The following AK2 variants were observed in gnomAD, a reference collection of about 807,000 sequenced individuals.
AK2 encodes adenylate kinase 2, also known as adenylate kinase 2, mitochondrial.
AK2 carries 15 observed loss-of-function variants against 24.6 expected under a neutral mutation model. That is an observed-to-expected ratio of 0.61 (90% confidence interval 0.41 to 0.94). The LOEUF (loss-of-function observed/expected upper bound fraction) is 0.94, where lower values mean the gene tolerates loss of function less well. AK2 is among the 40% of genes least tolerant of loss of function. The pLI, the probability that AK2 is intolerant of heterozygous loss-of-function variation, is 0.00. For synonymous variants in AK2, 102 were observed against 114.0 expected (o/e 0.90, Z 0.67); for missense variants, 257 against 304.1 (o/e 0.85, Z 1.15).
Position 33,008,445 on chromosome 1 carries a change from C to G in AK2, c.*4736G>C. ...ACACAGGAGATCCTAAGACACATACCCTAGGCCCTCAGAGCCGGCAGTGAC... is the reference window on the plus strand; with the variant it reads ...ACACAGGAGATCCTAAGACACATACGCTAGGCCCTCAGAGCCGGCAGTGAC... On this transcript the variant is annotated 3_prime_UTR_variant, in exon 6 of 6. Coordinates refer to ENST00000672715, the MANE Select transcript of AK2 (RefSeq NM_001625.4). 1 of 454,070 alleles carries G rather than the reference C, an allele frequency of 2.2e-6. No individual in the cohort carries two copies. The allele number at this position is 454,070 out of a possible 1,614,324, so 28.1% of individuals were successfully genotyped here. A position where few individuals can be genotyped will look rare whatever the true frequency, so the allele number is the denominator to read the frequency against.
intron 1 of AK2, among the ~76,000 whole-genome samples, chr1:33,027,921 G>A (rs1640002834): frequency 6.6e-6 from 1 of 152,130 alleles, no homozygotes. Flanking sequence ...CTTGGGCTAA[G>A]TACTTAACTT....
At chr1:33,025,308 G>A (rs1639813613) in intron 1 of AK2, among the ~76,000 whole-genome samples, 1 of 151,830 alleles carries the variant, frequency 6.6e-6, no homozygotes, top group African/African-American at 2.4e-5. Flanking sequence ...CACATAACAT[G>A]TGCTGAATAA....
intron 1 of AK2, among the ~76,000 whole-genome samples, chr1:33,033,767 C>T (rs560964523): frequency 1.3e-5 from 2 of 152,258 alleles, no homozygotes; most frequent in African/African-American, 4.8e-5. Context: ...ATTATGCCAT[C>T]CTGTCTTCTT....
intron 5 of AK2, among the ~76,000 whole-genome samples, chr1:33,014,098 C>T (rs952664093): frequency 4.6e-5 from 7 of 152,216 alleles, no homozygotes; most frequent in Non-Finnish European, 1.0e-4. Flanking sequence ...GGACACAGTA[C>T]AGCAGCAATA....
At chr1:33,015,179 C>T (rs1224174348) in intron 4 of AK2, among the ~76,000 whole-genome samples, 4 of 152,212 alleles carry the variant, frequency 2.6e-5, no homozygotes, top group Non-Finnish European at 5.9e-5. Flanking sequence ...TGGATGCAAA[C>T]ACTGCCAGAT....
At chr1:33,013,965 T>G (rs906560763) in intron 5 of AK2, among the ~76,000 whole-genome samples, 1 of 152,196 alleles carries the variant, frequency 6.6e-6, no homozygotes, top group Non-Finnish European at 1.5e-5. Context: ...CTGAATGACC[T>G]GATGAACTTG....
At position 33,013,421 on chromosome 1, in the gene AK2, C is replaced by T. The variant is rs745740736; in HGVS notation, c.499-19G>A. On this transcript the variant is annotated intron_variant, in intron 5 of 5. Coordinates refer to ENST00000672715, the MANE Select transcript of AK2 (RefSeq NM_001625.4). ...CGGTGATCTGAGAACAGGAAGACAG[C>T]AATGAAAGGCTGGGACTGTTAGCAA... 5.0e-6 allele frequency: 8 copies of T among 1,608,822 alleles called. No homozygotes were observed. Among genetic ancestry groups the T allele is most frequent in the Non-Finnish European group, 5.9e-6 (7 of 1,177,306 alleles).
Position 33,010,524 on chromosome 1 carries a change from C to A in AK2, c.*2657G>T. Reference sequence around the variant, plus strand: ...GCTTTAAAAAATATTTTCACCAGTCCAGAGTAAATGAAAACCCGATTCCTT... The same window carrying A: ...GCTTTAAAAAATATTTTCACCAGTCAAGAGTAAATGAAAACCCGATTCCTT... On this transcript the variant is annotated 3_prime_UTR_variant, in exon 6 of 6. Coordinates refer to ENST00000672715, the MANE Select transcript of AK2 (RefSeq NM_001625.4). 1 of 728,156 alleles carries A rather than the reference C, an allele frequency of 1.4e-6. No individual in the cohort carries two copies. The highest frequency in any genetic ancestry group is 2.4e-6 in the Non-Finnish European group (1 of 419,164). The allele number at this position is 728,156 out of a possible 1,614,324, so 45.1% of individuals were successfully genotyped here. A position where few individuals can be genotyped will look rare whatever the true frequency, so the allele number is the denominator to read the frequency against.
In AK2 at chr1:33,011,904, G is replaced by A. The variant is rs756993680; in HGVS notation, c.*1277C>T. 153 of 1,531,480 alleles carry A rather than the reference G, an allele frequency of 1.0e-4. 1 individual carries two copies. The highest frequency in any genetic ancestry group is 1.4e-5 in the Non-Finnish European group (16 of 1,145,592). 94.9% of individuals were successfully genotyped at this position (1,531,480 alleles called of 1,614,324 possible). On this transcript the variant is annotated 3_prime_UTR_variant, in exon 6 of 6. Transcript: ENST00000672715. ...AGGGGTGAAGGGTTGGATCTAGAAA[G>A]GAGAGGGTTTGGGCTTAAAAAGAAC...
At position 33,010,500 on chromosome 1, in the gene AK2, C is replaced by A. The variant is rs1302259949; in HGVS notation, c.*2681G>T. ...AAAAGCTGAGGTCTTAGAGCACTGGCTTTAAAAAATATTTTCACCAGTCCA... is the reference window on the plus strand; with the variant it reads ...AAAAGCTGAGGTCTTAGAGCACTGGATTTAAAAAATATTTTCACCAGTCCA... On this transcript the variant is annotated 3_prime_UTR_variant, in exon 6 of 6. Coordinates refer to ENST00000672715, the MANE Select transcript of AK2 (RefSeq NM_001625.4). 1.5e-6 allele frequency: 1 copy of A among 661,604 alleles called. No homozygotes were observed. The highest frequency in any genetic ancestry group is 2.1e-5 in the Admixed American group (1 of 48,112). 41.0% of individuals were successfully genotyped at this position (661,604 alleles called of 1,614,324 possible).
At chr1:33,013,810 T>G (rs759473279) in intron 5 of AK2, among the ~76,000 whole-genome samples, 17 of 152,232 alleles carry the variant, frequency 1.1e-4, no homozygotes, top group Non-Finnish European at 2.1e-4. Flanking sequence ...CTTAGTTGCT[T>G]AAATATTTAG....
intron 4 of AK2, among the ~76,000 whole-genome samples, chr1:33,019,389 T>G (rs1163568673): frequency 6.6e-6 from 1 of 152,174 alleles, no homozygotes; most frequent in Non-Finnish European, 1.5e-5. Context: ...TGCTAATACG[T>G]GCTTAGTGCC....
rs1286405313 is a variant in AK2 at position 33,008,632 on chromosome 1, C to G, written c.*4549G>C. ...GAGACTGTGTTTCAGTCCTGACTGC[C>G]TCTTATGCATGACCTCAGGAATGCC... On this transcript the variant is annotated 3_prime_UTR_variant, in exon 6 of 6. Transcript: ENST00000672715. 1 of 454,104 alleles carries G rather than the reference C, an allele frequency of 2.2e-6. No homozygotes were observed. Among genetic ancestry groups the G allele is most frequent in the South Asian group, 1.6e-5 (1 of 64,468 alleles). 28.1% of individuals were successfully genotyped at this position (454,104 alleles called of 1,614,324 possible). A position where few individuals can be genotyped will look rare whatever the true frequency, so the allele number is the denominator to read the frequency against.
Position 33,009,147 on chromosome 1 carries a change from GC to G in AK2, c.*4033del. The G allele has an allele frequency of 1.5e-5, 7 of 452,364 alleles. No individual in the cohort carries two copies. The highest frequency in any genetic ancestry group is 3.1e-5 in the Non-Finnish European group (7 of 225,758). 28.0% of individuals were successfully genotyped at this position (452,364 alleles called of 1,614,324 possible). A position where few individuals can be genotyped will look rare whatever the true frequency, so the allele number is the denominator to read the frequency against. On this transcript the variant is annotated 3_prime_UTR_variant, in exon 6 of 6. Transcript: ENST00000672715. Reference sequence around the variant, plus strand: ...GATTTAATATGTCAGTGAAGACCCTGCCTCTCTCTGTAACAAGATGCCTAAA... The same window carrying G: ...GATTTAATATGTCAGTGAAGACCCTGCTCTCTCTGTAACAAGATGCCTAAA...
chr1:33,020,130 G>A, intron 4 of AK2: 2 of 1,534,866 alleles, frequency 1.3e-6, no homozygotes, highest in African/African-American at 1.4e-5. Flanking sequence ...GAACAAACGT[G>A]TCCAGAAGCA....
chr1:33,026,920 G>A (rs1639925968), intron 1 of AK2, among the ~76,000 whole-genome samples: 1 of 152,036 alleles, frequency 6.6e-6, no homozygotes, highest in Non-Finnish European at 1.5e-5. Context: ...GAAGTCAGGA[G>A]TTCGAGACTA....
intron 2 of AK2, among the ~76,000 whole-genome samples, chr1:33,022,100 C>T (rs1413399450): frequency 6.6e-6 from 1 of 152,140 alleles, no homozygotes; most frequent in Non-Finnish European, 1.5e-5. Flanking sequence ...CCTCAAGGCA[C>T]AGGAAATGTG....
chr1:33,030,653 A>G (rs1236816082), intron 1 of AK2, among the ~76,000 whole-genome samples: 1 of 152,208 alleles, frequency 6.6e-6, no homozygotes, highest in Non-Finnish European at 1.5e-5. Flanking sequence ...GCAGTTTTCC[A>G]TGCATTGTTT....
Position 33,009,036 on chromosome 1 carries a change from G to A in AK2, c.*4145C>T, listed in dbSNP as rs78186437. ...AAGCTCAGGGAACAAACAGATCAGT[G>A]CAAATCAGTAAGGCTAACACCTGAA... is the stretch of plus-strand genomic sequence containing the variant. On this transcript the variant is annotated 3_prime_UTR_variant, in exon 6 of 6. Transcript: ENST00000672715. 3.3e-3 allele frequency: 1,503 copies of A among 454,110 alleles called. 31 individuals are homozygous for A. The East Asian group carries it at 0.058, about 18-fold the overall frequency. 28.1% of individuals were successfully genotyped at this position (454,110 alleles called of 1,614,324 possible). A position where few individuals can be genotyped will look rare whatever the true frequency, so the allele number is the denominator to read the frequency against.
Sources: allele counts gnomAD v4.1 joint callset (sites outside exome capture counted in the v4.1 genomes callset), GRCh38; gene constraint gnomAD v4.1.1; transcripts MANE v1.5; gene names NCBI Gene and HGNC (gene_info 2026-07-23, HGNC 2026-07-21).